OPLAH: variants seen among roughly 807,000 people sequenced by gnomAD.
OPLAH encodes the protein 5-oxoprolinase.
A neutral mutation model predicts 122.8 loss-of-function variants in OPLAH; 103 were observed. That is an observed-to-expected ratio of 0.84 (90% CI 0.71 to 0.99). OPLAH has a LOEUF of 0.99. OPLAH is among the 50% of genes least tolerant of loss of function. The pLI is 0.00. For missense variants in OPLAH, 1,902 were observed against 1,836.5 expected, an observed-to-expected ratio of 1.04 and a Z score of -0.65; for synonymous variants, 875 against 796.0, an observed-to-expected ratio of 1.10 and a Z score of -1.67.
chr8:144,062,210 G>A (rs1040668246), upstream of OPLAH, among the ~76,000 whole-genome samples: 2 of 152,026 alleles, frequency 1.3e-5, no homozygotes, highest in African/African-American at 2.4e-5. Flanking sequence ...TGTAACATTT[G>A]TGCCAAGGGC....
intron 26 of OPLAH, 37 bp downstream of exon 26, chr8:144,051,692 G>T: frequency 2.0e-6 from 3 of 1,488,886 alleles, no homozygotes; most frequent in East Asian, 2.4e-5. Context: ...GGGAGGGGAG[G>T]GGAGGGGAGG....
chr8:144,058,710 G>A lies in OPLAH; in HGVS notation c.588-19C>T. ...GGCCCACCTATGACAAAAACCCAGT[G>A]GCACCTCGTCTCCCACCAGGCCCGG... On this transcript the variant is annotated intron_variant, in intron 5 of 26. Coordinates refer to ENST00000618853, the MANE Select transcript of OPLAH (RefSeq NM_017570.5). The A allele has an allele frequency of 6.3e-7, 1 of 1,581,468 alleles. No homozygotes were observed. The highest frequency in any genetic ancestry group is 1.1e-5 in the South Asian group (1 of 87,914).
upstream of OPLAH, among the ~76,000 whole-genome samples, chr8:144,061,524 GA>G (rs113778211): frequency 0.091 from 12,755 of 140,350 alleles, 600 homozygotes; most frequent in African/African-American, 0.14. Context: ...TCAAAAAAAA[GA>G]AAAAAAAAAA....
In OPLAH at chr8:144,051,808, C is replaced by T. The variant is rs1835383232; in HGVS notation, c.3641G>A (p.Arg1214His). Residue 1214 changes from arginine to histidine, a missense_variant, in exon 26 of 27, where the codon CGC (arginine) becomes CAC (histidine). Transcript: ENST00000618853. Reference protein sequence around the residue: ...YGLHGGEPGARGLNLLIRKNG... With the variant: ...YGLHGGEPGAHGLNLLIRKNG... Reference sequence around the variant, plus strand: ...TTTGCGGATCAGCAGGTTTAGGCCGCGGGCGCCAGGCTCGCCCCCTGCGGA... The same window carrying T: ...TTTGCGGATCAGCAGGTTTAGGCCGTGGGCGCCAGGCTCGCCCCCTGCGGA... 1 of 1,581,546 alleles carries T rather than the reference C, an allele frequency of 6.3e-7. No individual in the cohort carries two copies. Among genetic ancestry groups the T allele is most frequent in the Non-Finnish European group, 8.5e-7 (1 of 1,169,806 alleles).
intron 19 of OPLAH, among the ~76,000 whole-genome samples, chr8:144,053,859 C>G (rs1835447863): frequency 6.7e-6 from 1 of 149,346 alleles, no homozygotes; most frequent in Non-Finnish European, 1.5e-5. Flanking sequence ...CTCCATCCCC[C>G]CTTCCCTGCA....
At position 144,056,521 on chromosome 8, in the gene OPLAH, TACC is replaced by T; in HGVS notation, c.1845-1_1846del. On this transcript the variant is annotated splice_acceptor_variant and coding_sequence_variant, in exon 14 of 27. Transcript: ENST00000618853. LOFTEE classifies it high-confidence loss of function. ...TATGACAAAGCCAAACTCCCTCATGTACCTGCACTCCCCGCGGGGACCCAAGGA... is the reference window on the plus strand; with the variant it reads ...TATGACAAAGCCAAACTCCCTCATGTTGCACTCCCCGCGGGGACCCAAGGA... 6.2e-7 allele frequency: 1 copy of T among 1,612,174 alleles called. No individual in the cohort carries two copies.
At chr8:144,050,651 AC>A (rs1474269684), downstream of OPLAH, 3 of 985,228 alleles carry the variant, frequency 3.0e-6, no homozygotes, top group Non-Finnish European at 2.4e-6. Flanking sequence ...GGGGGAGGGT[AC>A]CCCCGCCGGC....
Position 144,053,384 on chromosome 8 carries a change from T to C in OPLAH, c.2696A>G (p.Glu899Gly). Residue 899 changes from glutamate to glycine, a missense_variant, in exon 20 of 27, where the codon GAG (glutamate) becomes GGG (glycine). Around this residue, in one of 3 missense-constraint regions of OPLAH, gnomAD observed 1,726 missense variants for 1,642.1 expected, o/e 1.05. Transcript: ENST00000618853. ...GGVFQEEAVT[E>G]ALRAPGKVPN... The stretch of plus-strand genomic sequence containing the variant: ...GACCTTGCCTGGCGCCCGCAGGGCC[T>C]CCGTCACCGCTGGATGGACAGTGTC... 6.2e-7 allele frequency: 1 copy of C among 1,609,636 alleles called. No homozygotes were observed. The highest frequency in any genetic ancestry group is 8.5e-7 in the Non-Finnish European group (1 of 1,178,394).
chr8:144,050,783 CG>C, downstream of OPLAH: 2 of 986,692 alleles, frequency 2.0e-6, no homozygotes, highest in Non-Finnish European at 2.4e-6. Context: ...CGCCCTCCCC[CG>C]GATCCCCCAG....
chr8:144,055,912 C>A lies in OPLAH; in HGVS notation c.2124G>T (p.Gln708His). 1 of 1,587,224 alleles carries A rather than the reference C, an allele frequency of 6.3e-7. No individual in the cohort carries two copies. The highest frequency in any genetic ancestry group is 8.6e-7 in the Non-Finnish European group (1 of 1,166,830). The change falls in exon 16 of 27, where the codon CAG becomes CAT. Residue 708 changes from glutamine to histidine, a missense_variant. Gln to His is a conservative substitution (Grantham distance 24, BLOSUM62 0). Transcript: ENST00000618853. This position sits in a 1 kb window ranked among gnomAD's most constrained non-coding sequence, Gnocchi z 6.5. ...TGTCCCCTGTCTTGGTCACCTCTGC[C>A]TGGCAACCTGGCTCCACCAGGATGG... is the stretch of plus-strand genomic sequence containing the variant. Reference protein sequence around the residue: ...NSTILVEPGCQAEVTKTGDIC... With the variant: ...NSTILVEPGCHAEVTKTGDIC...
At chr8:144,053,689 A>G (rs1367501260) in intron 19 of OPLAH, among the ~76,000 whole-genome samples, 1 of 151,848 alleles carries the variant, frequency 6.6e-6, no homozygotes, top group African/African-American at 2.4e-5. Context: ...TGTGTCCTCA[A>G]CACCCAGAAC....
At position 144,052,562 on chromosome 8, in the gene OPLAH, C is replaced by A. The variant is rs782394618; in HGVS notation, c.3190G>T (p.Gly1064Cys). The A allele has an allele frequency of 1.3e-6, 2 of 1,597,018 alleles. No individual in the cohort carries two copies. Among genetic ancestry groups the A allele is most frequent in the East Asian group, 4.5e-5 (2 of 44,656 alleles). ...TCGGGCGACGGGTCCAGGATGGAGC[C>A]TCGGGGAATGACCACGCGCACTGGC... ...LAPVRVVIPR[G>C]SILDPSPEAA... The change falls in exon 23 of 27, where the codon GGC becomes TGC. Residue 1064 changes from glycine to cysteine, a missense_variant. Gly to Cys is a radical substitution (Grantham distance 159). This residue lies in a region of OPLAH where 1,726 missense variants were observed against 1,642.1 expected (regional missense o/e 1.05). Coordinates refer to ENST00000618853, the MANE Select transcript of OPLAH (RefSeq NM_017570.5).
intron 19 of OPLAH, among the ~76,000 whole-genome samples, chr8:144,054,323 G>A (rs1233388704): frequency 6.6e-6 from 1 of 152,120 alleles, no homozygotes; most frequent in African/African-American, 2.4e-5. Flanking sequence ...CCACGTCTTG[G>A]CTAACTCTCC....
chr8:144,051,025 G>A, downstream of OPLAH: 1 of 1,212,550 alleles, frequency 8.2e-7, no homozygotes, highest in Non-Finnish European at 1.0e-6. Flanking sequence ...TGGAGAGGTC[G>A]GCGCCTGGAC....
At chr8:144,050,944 C>T, downstream of OPLAH, 3 of 1,031,522 alleles carry the variant, frequency 2.9e-6, no homozygotes, top group South Asian at 1.1e-4. Flanking sequence ...CCTACCAGGG[C>T]CCTGGAGCAG....
downstream of OPLAH, chr8:144,050,628 G>A: frequency 1.0e-6 from 1 of 985,644 alleles, no homozygotes; most frequent in Non-Finnish European, 1.2e-6. Flanking sequence ...CTGGGCCCTG[G>A]GTATCGCGCT....
chr8:144,056,099 C>G (rs558973631), intron 15 of OPLAH, 48 bp downstream of exon 15: 3 of 1,565,970 alleles, frequency 1.9e-6, no homozygotes, highest in Non-Finnish European at 1.7e-6. Context: ...CCAGGGGCCC[C>G]GCAGTGGACC....
Position 144,059,637 on chromosome 8 carries a change from G to A in OPLAH, c.325C>T (p.His109Tyr). 6.2e-7 allele frequency: 1 copy of A among 1,612,304 alleles called. No homozygotes were observed. The highest frequency in any genetic ancestry group is 1.6e-4 in the Middle Eastern group (1 of 6,062). The change falls in exon 3 of 27, where the codon CAC (histidine) becomes TAC (tyrosine). Residue 109 changes from histidine to tyrosine, a missense_variant. This residue lies in a region of OPLAH where 168 missense variants were observed against 170.6 expected (regional missense o/e 0.98). Transcript: ENST00000618853. Reference protein sequence around the residue: ...LVTRGFRDLLHIGTQARGDLF... With the variant: ...LVTRGFRDLLYIGTQARGDLF... ...TCCCCACGGGCTTGGGTGCCAATGT[G>A]CAGCAGGTCTCGGAAGCCACGTGTC... is the stretch of plus-strand genomic sequence containing the variant.
chr8:144,059,956 G>C lies in OPLAH; in HGVS notation c.77C>G (p.Pro26Arg), dbSNP rs1835628930. ...GTFTDVFAQCPGGHVRVLKLL... is the reference protein window; with the variant it reads ...GTFTDVFAQCRGGHVRVLKLL... ...TTTTAAGACCCGCACGTGCCCCCCT[G>C]GGCACTGGGCAAAGACGTCTGTGAA... Residue 26 changes from proline to arginine, a missense_variant, in exon 2 of 27, where the codon CCA becomes CGA. Transcript: ENST00000618853. The C allele has an allele frequency of 6.2e-7, 1 of 1,612,646 alleles. No individual in the cohort carries two copies. Among genetic ancestry groups the C allele is most frequent in the African/African-American group, 1.3e-5 (1 of 74,948 alleles).
Sources: allele counts gnomAD v4.1 joint callset (sites outside exome capture counted in the v4.1 genomes callset), GRCh38; gene constraint gnomAD v4.1.1; regional missense constraint gnomAD v4.1.1; non-coding constraint Gnocchi (gnomAD v3.1); transcripts MANE v1.5; gene names NCBI Gene and HGNC (gene_info 2026-07-23, HGNC 2026-07-21).